ADGRV1: variants seen among roughly 807,000 people sequenced by gnomAD.
ADGRV1 encodes the protein adhesion G protein-coupled receptor V1.
Under a neutral mutation model 596.2 loss-of-function variants are expected in ADGRV1, and 359 were observed. The observed-to-expected ratio is 0.60, with a 90% CI of 0.55 to 0.66. ADGRV1 has a LOEUF of 0.66. Ranked by LOEUF, ADGRV1 falls within the 30% of genes least tolerant of loss-of-function variation. ADGRV1 has a pLI of 0.00. For synonymous variants in ADGRV1, 2,681 were observed against 2,679.2 expected (o/e 1.00, Z -0.02); for missense variants, 7,274 against 7,575.6 (o/e 0.96, Z 1.48).
intron 83 of ADGRV1, among the ~76,000 whole-genome samples, chr5:90,896,139 A>G (rs2150606366): frequency 6.6e-6 from 1 of 151,806 alleles, no homozygotes; most frequent in East Asian, 1.9e-4. Context: ...AATGCAATAG[A>G]TCTGAAGTTT....
At chr5:91,150,434 G>A (rs900093369) in intron 88 of ADGRV1, among the ~76,000 whole-genome samples, 2 of 152,108 alleles carry the variant, frequency 1.3e-5, no homozygotes, top group Non-Finnish European at 2.9e-5. Context: ...TTACTATAGC[G>A]TCACACCCAT....
At position 90,694,203 on chromosome 5, in the gene ADGRV1, A is replaced by G. The variant is rs372196767; in HGVS notation, c.7447A>G (p.Arg2483Gly). Reference protein sequence around the residue: ...AVNNSDFWTYRKNMTRVASLF... With the variant: ...AVNNSDFWTYGKNMTRVASLF... ...CAACAATTCAGACTTCTGGACCTAC[A>G]GGAAAAACATGACCAGGGTAGCATC... is the stretch of plus-strand genomic sequence containing the variant. Residue 2483 changes from arginine to glycine, a missense_variant, in exon 33 of 90, where the codon AGG becomes GGG. Arg to Gly is a moderately radical substitution (Grantham distance 125). Transcript: ENST00000405460. 17 of 1,613,928 alleles carry G rather than the reference A, an allele frequency of 1.1e-5. 1 individual carries two copies. Among genetic ancestry groups the G allele is most frequent in the South Asian group, 5.5e-5 (5 of 91,086 alleles).
intron 14 of ADGRV1, 128 bp downstream of exon 14, chr5:90,644,111 G>T: frequency 1.5e-6 from 1 of 657,842 alleles, no homozygotes; most frequent in Non-Finnish European, 2.4e-6. Context: ...ACATAGTGCG[G>T]AAGTTTTTTT....
At chr5:90,802,321 T>C (rs551107830) in intron 70 of ADGRV1, among the ~76,000 whole-genome samples, 1 of 152,332 alleles carries the variant, frequency 6.6e-6, no homozygotes, top group African/African-American at 2.4e-5. Flanking sequence ...GTTCAAATGA[T>C]TCTCCTGCCT....
chr5:90,872,048 A>G (rs1042149719), intron 83 of ADGRV1, among the ~76,000 whole-genome samples: 2 of 152,290 alleles, frequency 1.3e-5, no homozygotes, highest in African/African-American at 4.8e-5. Flanking sequence ...CCTGAGTTGA[A>G]CACTGAATCC....
intron 1 of ADGRV1, among the ~76,000 whole-genome samples, chr5:90,587,704 C>T (rs154562): frequency 0.18 from 27,802 of 151,534 alleles, 2,731 homozygotes; most frequent in East Asian, 0.41. Context: ...ACTACAGGTG[C>T]GCGCCACCAT....
rs184909647 is a variant in ADGRV1, at chr5:90,804,006, G to A, written c.14661+1124G>A. 5.6e-4 allele frequency among the ~76,000 whole-genome samples: 85 copies of A among 152,206 alleles called. No homozygotes were observed. The Middle Eastern group carries it at 0.01, about 18-fold the overall frequency. ...ATCAGTGTTTGGTGTGTGTGTGCAC[G>A]CATGTGTGTGTGTATGTGTGATGTG... On this transcript the variant is annotated intron_variant, in intron 71 of 89. Transcript: ENST00000405460.
Position 90,629,337 on chromosome 5 carries a change from G to A in ADGRV1, c.1637G>A (p.Gly546Glu), listed in dbSNP as rs1176936918. 2 of 1,613,490 alleles carry A rather than the reference G, an allele frequency of 1.2e-6. No homozygotes were observed. Among genetic ancestry groups the A allele is most frequent in the South Asian group, 1.1e-5 (1 of 91,056 alleles). The change falls in exon 9 of 90, where the codon GGG (glycine) becomes GAG (glutamate). Residue 546 changes from glycine to glutamate, a missense_variant. By Grantham distance (98) the Gly-to-Glu change is moderately conservative. Around this residue, in one of 5 missense-constraint regions of ADGRV1, gnomAD observed 1,715 missense variants for 1,708.8 expected, o/e 1.00. Coordinates refer to ENST00000405460, the MANE Select transcript of ADGRV1 (RefSeq NM_032119.4). ...TCCTTGAGTTTTACAAGACTAGGAG[G>A]GACTAAAGGAGATGTGAGGTTGCTT... ...YLSLSFTRLG[G>E]TKGDVRLLYS...
In ADGRV1 at chr5:90,764,648, C is replaced by T. The variant is rs564914702; in HGVS notation, c.12285+1179C>T. On this transcript the variant is annotated intron_variant, in intron 59 of 89. Transcript: ENST00000405460. The stretch of plus-strand genomic sequence containing the variant: ...CCCCCTCCCTTATGGGCAGCCTACA[C>T]TGTGGGTTTAGATCTTCAGAAGTCC... 8.1e-4 allele frequency among the ~76,000 whole-genome samples: 124 copies of T among 152,272 alleles called. 1 individual carries two copies. The highest frequency in any genetic ancestry group is 2.9e-3 in the African/African-American group (120 of 41,556).
chr5:90,601,804 A>G (rs182866095), intron 1 of ADGRV1, among the ~76,000 whole-genome samples: 5 of 152,302 alleles, frequency 3.3e-5, no homozygotes, highest in African/African-American at 1.2e-4. Context: ...GTAACAGTTT[A>G]TAGCTTTAAT....
intron 85 of ADGRV1, chr5:91,031,321 T>TG: frequency 7.4e-7 from 1 of 1,357,902 alleles, no homozygotes; most frequent in East Asian, 2.3e-5. Flanking sequence ...CTGCTGCACT[T>TG]GCTAACAGAT....
intron 82 of ADGRV1, among the ~76,000 whole-genome samples, chr5:90,856,895 G>A (rs1437277671): frequency 6.6e-6 from 1 of 152,090 alleles, no homozygotes; most frequent in Non-Finnish European, 1.5e-5. Context: ...CTGTAAATGT[G>A]ATTATTATTG....
intron 21 of ADGRV1, among the ~76,000 whole-genome samples, chr5:90,670,389 T>A (rs977871630): frequency 2.0e-5 from 3 of 152,220 alleles, no homozygotes; most frequent in Non-Finnish European, 2.9e-5. Flanking sequence ...TGGCCTGAAG[T>A]ATGAAGCTAC....
chr5:90,751,903 G>T (rs1451129412), intron 53 of ADGRV1, among the ~76,000 whole-genome samples: 5 of 152,100 alleles, frequency 3.3e-5, no homozygotes, highest in African/African-American at 1.2e-4. Flanking sequence ...TATATGTTCT[G>T]ATTTGTGTTT....
intron 87 of ADGRV1, among the ~76,000 whole-genome samples, chr5:91,145,822 G>A (rs1795490626): frequency 6.6e-6 from 1 of 152,204 alleles, no homozygotes; most frequent in Non-Finnish European, 1.5e-5. Context: ...AGAAAGGGGA[G>A]AAAGGACTAA....
rs757029909 is a variant in ADGRV1, at chr5:91,014,136, C to CCCCACACACACA, written c.18152+28615_18152+28616insCCACACACACAC. 1.1e-4 allele frequency among the ~76,000 whole-genome samples: 4 copies of CCCCACACACACA among 35,698 alleles called. No homozygotes were observed. The East Asian group carries it at 2.0e-3, about 18-fold the overall frequency. 23.4% of individuals were successfully genotyped at this position (35,698 alleles called of 152,430 possible). ...TCATAGGCAATCCCATTCACAATTG[C>CCCCACACACACA]CACACACACACACACACACACACAC... On this transcript the variant is annotated intron_variant, in intron 85 of 89. Coordinates refer to ENST00000405460, the MANE Select transcript of ADGRV1 (RefSeq NM_032119.4).
chr5:90,577,161 C>A (rs1757338468), intron 1 of ADGRV1, among the ~76,000 whole-genome samples: 1 of 152,130 alleles, frequency 6.6e-6, no homozygotes, highest in Non-Finnish European at 1.5e-5. Flanking sequence ...GTTGCCATTG[C>A]TTTTGGTGTT....
chr5:91,026,465 C>A (rs1261746196), intron 85 of ADGRV1, among the ~76,000 whole-genome samples: 1 of 152,108 alleles, frequency 6.6e-6, no homozygotes, highest in Non-Finnish European at 1.5e-5. Context: ...CAACACAGTC[C>A]TGAAAAGTGA....
At chr5:90,769,854 G>A (rs1757509083) in intron 59 of ADGRV1, among the ~76,000 whole-genome samples, 1 of 152,100 alleles carries the variant, frequency 6.6e-6, no homozygotes, top group Non-Finnish European at 1.5e-5. Flanking sequence ...GTAATTCTGG[G>A]ATGCAGTGCA....
Sources: allele counts gnomAD v4.1 joint callset (sites outside exome capture counted in the v4.1 genomes callset), GRCh38; gene constraint gnomAD v4.1.1; regional missense constraint gnomAD v4.1.1; transcripts MANE v1.5; gene names NCBI Gene and HGNC (gene_info 2026-07-23, HGNC 2026-07-21).